Variants in ZDBF2 observed in about 807,000 individuals in gnomAD.
ZDBF2 encodes DBF4-type zinc finger-containing protein 2.
A neutral mutation model predicts 9.4 loss-of-function variants in ZDBF2; 6 were observed. That is an observed-to-expected ratio of 0.64 (90% confidence interval 0.35 to 1.27). The LOEUF is 1.27. ZDBF2 is among the 50% of genes most tolerant of loss of function. ZDBF2 has a pLI of 0.03. For missense variants in ZDBF2, 2,697 were observed against 2,766.8 expected (o/e 0.97, Z 0.57); for synonymous variants, 905 against 946.3 (o/e 0.96, Z 0.80).
At chr2:206,279,202 C>G (rs897555000) in intron 1 of ZDBF2, among the ~76,000 whole-genome samples, 2 of 152,134 alleles carry the variant, frequency 1.3e-5, no homozygotes, top group African/African-American at 2.4e-5. Flanking sequence ...TCTCATGAAG[C>G]TCATTTTGGG....
Position 206,313,035 on chromosome 2 carries a change from G to A in ZDBF2, c.*1442G>A, listed in dbSNP as rs917137909. 5 of 152,108 alleles carry A rather than the reference G, an allele frequency of 3.3e-5. No individual in the cohort carries two copies. The highest frequency in any genetic ancestry group is 7.3e-5 in the Non-Finnish European group (5 of 68,036). 9.4% of individuals were successfully genotyped at this position (152,108 alleles called of 1,614,324 possible). Reference sequence around the variant, plus strand: ...AGATGCATTCAGTTGTCATTCATTCGTGTTAAGCCAAGATCCTGGATCTTC... The same window carrying A: ...AGATGCATTCAGTTGTCATTCATTCATGTTAAGCCAAGATCCTGGATCTTC... On this transcript the variant is annotated 3_prime_UTR_variant, in exon 5 of 5. Coordinates refer to ENST00000374423, the MANE Select transcript of ZDBF2 (RefSeq NM_020923.3).
chr2:206,299,897 C>T (rs1053688362), intron 4 of ZDBF2, among the ~76,000 whole-genome samples: 3 of 152,006 alleles, frequency 2.0e-5, no homozygotes, highest in African/African-American at 4.8e-5. Context: ...CACCTGAGGT[C>T]GGGAGTTTGA....
rs771835887 is a variant in ZDBF2, at chr2:206,311,184, C to G, written c.6656C>G (p.Pro2219Arg). Residue 2219 changes from proline to arginine, a missense_variant, in exon 5 of 5, where the codon CCA becomes CGA. This residue lies in a region of ZDBF2 where 1,783 missense variants were observed against 1,776.5 expected (regional missense o/e 1.00). Transcript: ENST00000374423. ...EKQSIWIRTK[P>R]SDIIRKYISK... ...CAGTCAATTTGGATTCGGACCAAACCAAGTGATATCATTAGAAAGTATATT... is the reference window on the plus strand; with the variant it reads ...CAGTCAATTTGGATTCGGACCAAACGAAGTGATATCATTAGAAAGTATATT... The G allele has an allele frequency of 6.2e-7, 1 of 1,612,856 alleles. No homozygotes were observed.
At chr2:206,276,088 G>A (rs1337993400) in intron 1 of ZDBF2, among the ~76,000 whole-genome samples, 1 of 152,034 alleles carries the variant, frequency 6.6e-6, no homozygotes, top group Non-Finnish European at 1.5e-5. Flanking sequence ...CGTGAATGGT[G>A]AAATTAATTT....
intron 4 of ZDBF2, 134 bp downstream of exon 4, chr2:206,297,507 T>C: frequency 1.1e-6 from 1 of 883,484 alleles, no homozygotes; most frequent in South Asian, 2.2e-5. Context: ...TAACTTTCAT[T>C]TGCAATTTAA....
chr2:206,279,941 A>C (rs1437476278), intron 2 of ZDBF2, among the ~76,000 whole-genome samples: 2 of 152,160 alleles, frequency 1.3e-5, no homozygotes, highest in Non-Finnish European at 2.9e-5. Context: ...AGTAGCTGGG[A>C]CTATAGGCAT....
Position 206,308,277 on chromosome 2 carries a change from T to C in ZDBF2, c.3749T>C (p.Leu1250Pro). ...GAAATTATGTATGATTCTGATGTTC[T>C]TCAGCCAGTGGCTGGCCAACCTGAA... The part of the protein sequence containing the change: ...GFEIMYDSDV[L>P]QPVAGQPEEV... The change falls in exon 5 of 5, where the codon CTT becomes CCT. Residue 1250 changes from leucine to proline, a missense_variant. Leu to Pro is a moderately conservative substitution (Grantham distance 98). Coordinates refer to ENST00000374423, the MANE Select transcript of ZDBF2 (RefSeq NM_020923.3). The C allele has an allele frequency of 2.5e-6, 4 of 1,613,942 alleles. No individual in the cohort carries two copies. Among genetic ancestry groups the C allele is most frequent in the Non-Finnish European group, 3.4e-6 (4 of 1,179,844 alleles).
At chr2:206,283,766 C>CAGTT (rs1434404525) in intron 3 of ZDBF2, among the ~76,000 whole-genome samples, 2 of 152,092 alleles carry the variant, frequency 1.3e-5, no homozygotes, top group Non-Finnish European at 2.9e-5. Flanking sequence ...TGGGCTCAAG[C>CAGTT]AGTTCTCCTG....
At position 206,309,442 on chromosome 2, in the gene ZDBF2, C is replaced by T. The variant is rs563178900; in HGVS notation, c.4914C>T (p.Tyr1638=). ...NVDASDQSMT[Y]ESQGPDEKMV... ...ATGCCTCTGATCAGTCCATGACTTA[C>T]GAGTCACAAGGACCTGATGAGAAAA... is the stretch of plus-strand genomic sequence containing the variant. The change falls in exon 5 of 5, where the codon TAC becomes TAT. Residue 1638 remains tyrosine (Y), a synonymous_variant. Coordinates refer to ENST00000374423, the MANE Select transcript of ZDBF2 (RefSeq NM_020923.3). 7.4e-6 allele frequency: 12 copies of T among 1,613,384 alleles called. No homozygotes were observed. The highest frequency in any genetic ancestry group is 5.5e-5 in the South Asian group (5 of 91,008).
chr2:206,300,664 G>A (rs1220359429), intron 4 of ZDBF2, among the ~76,000 whole-genome samples: 1 of 152,126 alleles, frequency 6.6e-6, no homozygotes, highest in Non-Finnish European at 1.5e-5. Context: ...AATAAGGATC[G>A]TATGGGGAAG....
chr2:206,292,132 A>G (rs541874975), intron 3 of ZDBF2: 5 of 398,304 alleles, frequency 1.3e-5, no homozygotes, highest in South Asian at 1.3e-4. Flanking sequence ...TATGTAGGCA[A>G]TCAATCTAAG....
Position 206,309,712 on chromosome 2 carries a change from A to AG in ZDBF2, c.5184_5185insG (p.Arg1729AlafsTer7). On this transcript the variant is annotated frameshift_variant, in exon 5 of 5. Coordinates refer to ENST00000374423, the MANE Select transcript of ZDBF2 (RefSeq NM_020923.3). LOFTEE classifies it low-confidence loss of function (END_TRUNC). The stretch of plus-strand genomic sequence containing the variant: ...TCCATCGAAGGGCTGATAAAAAAAA[A>AG]CGTTCGAAGCTAAAACATAGAGATC... 1 of 1,613,922 alleles carries AG rather than the reference A, an allele frequency of 6.2e-7. No individual in the cohort carries two copies. Among genetic ancestry groups the AG allele is most frequent in the Non-Finnish European group, 8.5e-7 (1 of 1,179,870 alleles).
chr2:206,293,911 G>C (rs908358593), intron 3 of ZDBF2, among the ~76,000 whole-genome samples: 1 of 152,098 alleles, frequency 6.6e-6, no homozygotes, highest in Non-Finnish European at 1.5e-5. Context: ...CAACAAAAAT[G>C]CATGCACATT....
intron 3 of ZDBF2, among the ~76,000 whole-genome samples, chr2:206,287,401 T>C (rs983837552): frequency 2.6e-5 from 4 of 152,218 alleles, no homozygotes; most frequent in African/African-American, 9.6e-5. Flanking sequence ...ATCATCCCAT[T>C]CTTTGCTGGC....
intron 2 of ZDBF2, among the ~76,000 whole-genome samples, chr2:206,281,257 G>A (rs74850601): frequency 0.01 from 1,549 of 152,264 alleles, 17 homozygotes; most frequent in Middle Eastern, 0.041. Flanking sequence ...AAAGTGTTTT[G>A]TGTTTCAGAG....
At chr2:206,299,168 A>C (rs1692363471) in intron 4 of ZDBF2, among the ~76,000 whole-genome samples, 1 of 152,032 alleles carries the variant, frequency 6.6e-6, no homozygotes, top group Non-Finnish European at 1.5e-5. Context: ...GGCGTGAGCC[A>C]ACACGCCCGG....
chr2:206,302,238 G>C (rs1231622123), intron 4 of ZDBF2, among the ~76,000 whole-genome samples: 1 of 151,848 alleles, frequency 6.6e-6, no homozygotes, highest in Non-Finnish European at 1.5e-5. Context: ...TCAAACTCTT[G>C]GCCTCAAGTG....
chr2:206,279,613 T>C (rs146365986), intron 2 of ZDBF2, 21 bp downstream of exon 2: 1 of 152,258 alleles, frequency 6.6e-6, no homozygotes, highest in African/African-American at 2.4e-5. Context: ...TTTTACTTTA[T>C]AAAAATATCA....
chr2:206,295,363 CTT>C (rs571707187), intron 3 of ZDBF2, among the ~76,000 whole-genome samples: 82 of 110,942 alleles, frequency 7.4e-4, no homozygotes, highest in Non-Finnish European at 3.7e-4. Context: ...CTTTTCTTTT[CTT>C]TTTTTTTTTT....
Sources: gnomAD v4.1 joint callset for allele counts (sites outside exome capture counted in the v4.1 genomes callset) on GRCh38, gnomAD v4.1.1 for gene constraint, gnomAD v4.1.1 regional missense constraint, MANE v1.5 for transcripts, NCBI Gene and HGNC (gene_info 2026-07-23, HGNC 2026-07-21) for gene names.